The following DNAH6 variants were observed in gnomAD, a reference collection of about 807,000 sequenced individuals.
The protein encoded by DNAH6 is axonemal beta dynein heavy chain 6.
DNAH6 carries 340 observed loss-of-function variants against 491.4 expected under a neutral mutation model. That is an observed-to-expected ratio of 0.69 (90% CI 0.63 to 0.76). The LOEUF is 0.76. Among genes scored for constraint, DNAH6 ranks in the 30% least tolerant of loss-of-function variants. The probability of loss-of-function intolerance (pLI) is 0.00; values close to 1 mark genes in which losing one functional copy is unlikely to be tolerated. For synonymous variants in DNAH6, 1,603 were observed against 1,686.1 expected, an observed-to-expected ratio of 0.95 and a Z score of 1.21; for missense variants, 4,443 against 4,972.2, an observed-to-expected ratio of 0.89 and a Z score of 3.20.
intron 4 of DNAH6, among the ~76,000 whole-genome samples, chr2:84,530,722 A>G (rs1163312734): frequency 2.0e-5 from 3 of 152,166 alleles, no homozygotes; most frequent in African/African-American, 4.8e-5. Context: ...ATGAAGTGGT[A>G]AGAAATAGGT....
At chr2:84,553,942 T>C (rs1201178496) in intron 10 of DNAH6, among the ~76,000 whole-genome samples, 1 of 152,176 alleles carries the variant, frequency 6.6e-6, no homozygotes, top group African/African-American at 2.4e-5. Context: ...ACTCAGATTA[T>C]CGTCTGTTTC....
chr2:84,605,301 C>T (rs7573508), intron 19 of DNAH6, among the ~76,000 whole-genome samples, 199 bp from the exon 20 acceptor site: 10,567 of 147,984 alleles, frequency 0.071, 1,244 homozygotes, highest in African/African-American at 0.25. Context: ...TGCAGTGAGC[C>T]GAGGTTACAC....
chr2:84,807,980 T>C (rs1679585928), intron 71 of DNAH6, among the ~76,000 whole-genome samples: 1 of 152,198 alleles, frequency 6.6e-6, no homozygotes, highest in African/African-American at 2.4e-5. Flanking sequence ...ATGATCTCAC[T>C]TAAGCAACAA....
intron 22 of DNAH6, among the ~76,000 whole-genome samples, chr2:84,615,520 C>CT (rs1558800821): frequency 6.6e-6 from 1 of 151,900 alleles, no homozygotes; most frequent in East Asian, 1.9e-4. Flanking sequence ...TATGTGGGCT[C>CT]TTTTTTTGGT....
intron 48 of DNAH6, among the ~76,000 whole-genome samples, chr2:84,700,168 T>C (rs2104819672): frequency 6.6e-6 from 1 of 152,270 alleles, no homozygotes; most frequent in Admixed American, 6.5e-5. Context: ...CTGATGTAAA[T>C]GATCCAGAAA....
intron 31 of DNAH6, among the ~76,000 whole-genome samples, chr2:84,639,098 A>T (rs1395100048): frequency 2.0e-5 from 3 of 152,232 alleles, no homozygotes; most frequent in African/African-American, 7.2e-5. Flanking sequence ...AAACTATGTC[A>T]ATTAGTATAA....
chr2:84,783,623 A>G (rs1428045472), intron 65 of DNAH6, among the ~76,000 whole-genome samples: 1 of 152,242 alleles, frequency 6.6e-6, no homozygotes, highest in African/African-American at 2.4e-5. Context: ...GCATGAAATC[A>G]GCTTTGACTT....
chr2:84,690,165 T>G (rs1694705570), intron 45 of DNAH6, among the ~76,000 whole-genome samples: 1 of 141,210 alleles, frequency 7.1e-6, no homozygotes. Context: ...TGGCTTTGGT[T>G]TTTTTCCTGT....
Position 84,701,272 on chromosome 2 carries a change from C to CCTGGATAAG in DNAH6, c.7996_7997insGGATAAGCT (p.Thr2665_Ser2666insTrpIleSer). 6.4e-7 allele frequency: 1 copy of CCTGGATAAG among 1,551,880 alleles called. No individual in the cohort carries two copies. The highest frequency in any genetic ancestry group is 8.7e-7 in the Non-Finnish European group (1 of 1,147,014). On this transcript the variant is annotated inframe_insertion, in exon 49 of 77. Transcript: ENST00000389394. The stretch of plus-strand genomic sequence containing the variant: ...CGCAGGCGGTACTACACGACACCCA[C>CCTGGATAAG]CTCCTACCTGGAGCTTATCAATCTT...
intron 19 of DNAH6, among the ~76,000 whole-genome samples, chr2:84,604,771 A>G (rs1212941349): frequency 6.6e-6 from 1 of 152,160 alleles, no homozygotes; most frequent in Non-Finnish European, 1.5e-5. Flanking sequence ...TGATGGCCAC[A>G]AGGTTTGAAA....
At chr2:84,813,906 G>A (rs1001530245) in intron 74 of DNAH6, 65 bp from the exon 75 acceptor site, 10 of 1,512,210 alleles carry the variant, frequency 6.6e-6, no homozygotes, top group South Asian at 1.2e-5. Flanking sequence ...TTTGGATGAA[G>A]GGGAATAGTG....
chr2:84,573,388 T>G, intron 11 of DNAH6, 79 bp from the exon 12 acceptor site: 1 of 1,236,146 alleles, frequency 8.1e-7, no homozygotes, highest in Non-Finnish European at 1.1e-6. Context: ...GCTTGCTTGT[T>G]TCTTTGTTTA....
intron 62 of DNAH6, among the ~76,000 whole-genome samples, chr2:84,734,208 C>T (rs890598678): frequency 2.1e-5 from 3 of 142,434 alleles, no homozygotes; most frequent in Admixed American, 7.4e-5. Flanking sequence ...AGTGCAGTGG[C>T]GATCTCAGCT....
intron 31 of DNAH6, among the ~76,000 whole-genome samples, chr2:84,637,967 G>A (rs188764777): frequency 1.3e-5 from 2 of 152,098 alleles, no homozygotes; most frequent in Admixed American, 1.3e-4. Flanking sequence ...CAGTGGCTCA[G>A]GCCTGTAATC....
Position 84,703,451 on chromosome 2 carries a change from A to T in DNAH6, c.8118A>T (p.Val2706=), listed in dbSNP as rs1200318992. 6.5e-7 allele frequency: 1 copy of T among 1,549,836 alleles called. No homozygotes were observed. The highest frequency in any genetic ancestry group is 2.0e-5 in the Admixed American group (1 of 50,874). ...LTKLLETNIL[V]DKMKLDLSAL... Reference sequence around the variant, plus strand: ...AGCTACTAGAAACAAACATACTAGTAGATAAAATGAAACTAGATCTTTCAG... The same window carrying T: ...AGCTACTAGAAACAAACATACTAGTTGATAAAATGAAACTAGATCTTTCAG... The change falls in exon 50 of 77, where the codon GTA becomes GTT. Residue 2706 remains valine, a synonymous_variant. Coordinates refer to ENST00000389394, the MANE Select transcript of DNAH6 (RefSeq NM_001370.2).
the DNAH6 span, among the ~76,000 whole-genome samples, chr2:84,466,687 C>T: frequency 4.6e-5 from 7 of 152,316 alleles, no homozygotes; most frequent in Non-Finnish European, 1.0e-4. Context: ...TCTGATGTCA[C>T]AGTCTCCACT....
the DNAH6 span, among the ~76,000 whole-genome samples, chr2:84,472,704 A>G: frequency 1.3e-5 from 2 of 152,202 alleles, no homozygotes; most frequent in Non-Finnish European, 2.9e-5. Flanking sequence ...AAAGAATGAA[A>G]TGTTTGTGCA....
chr2:84,610,539 CT>C (rs1330232416), intron 21 of DNAH6, among the ~76,000 whole-genome samples: 1 of 152,112 alleles, frequency 6.6e-6, no homozygotes, highest in Non-Finnish European at 1.5e-5. Context: ...TGCACATGTT[CT>C]TTTGATTTTA....
the DNAH6 span, among the ~76,000 whole-genome samples, chr2:84,491,081 A>T: frequency 6.6e-6 from 1 of 152,340 alleles, no homozygotes; most frequent in South Asian, 2.1e-4. Context: ...AAACATCTGC[A>T]ATACAGGTTT....
Sources: allele counts gnomAD v4.1 joint callset (sites outside exome capture counted in the v4.1 genomes callset), GRCh38; gene constraint gnomAD v4.1.1; transcripts MANE v1.5; gene names NCBI Gene and HGNC (gene_info 2026-07-23, HGNC 2026-07-21).